Variants in SRGAP3 observed in about 807,000 individuals in gnomAD.
The protein encoded by SRGAP3 is SLIT-ROBO Rho GTPase activating protein 3, also known as SLIT-ROBO Rho GTPase-activating protein 3.
In SRGAP3, 39 loss-of-function variants were observed where a neutral mutation model predicts 121.1. The observed-to-expected ratio is 0.32, with a 90% CI of 0.25 to 0.42. The LOEUF is 0.42. SRGAP3 is among the 10% of genes least tolerant of loss of function. SRGAP3 has a pLI of 1.00. For missense variants in SRGAP3, 1,213 were observed against 1,470.6 expected, an observed-to-expected ratio of 0.82 and a Z score of 2.86; for synonymous variants, 601 against 570.0, an observed-to-expected ratio of 1.05 and a Z score of -0.77.
At chr3:8,995,300 C>T (rs1009510872) in intron 18 of SRGAP3, among the ~76,000 whole-genome samples, 3 of 151,574 alleles carry the variant, frequency 2.0e-5, no homozygotes, top group Non-Finnish European at 4.4e-5. Flanking sequence ...AGTGAGACCT[C>T]ATTTCCAAAA....
At position 9,015,672 on chromosome 3, in the gene SRGAP3, A is replaced by T; in HGVS notation, c.1738T>A (p.Leu580Ile). The T allele has an allele frequency of 1.2e-6, 2 of 1,614,116 alleles. No individual in the cohort carries two copies. Among genetic ancestry groups the T allele is most frequent in the Admixed American group, 1.7e-5 (1 of 60,028 alleles). The change falls in exon 15 of 22, where the codon TTA (leucine) becomes ATA (isoleucine). Residue 580 changes from leucine (L) to isoleucine (I), a missense_variant. By Grantham distance (5) the Leu-to-Ile change is conservative. This residue lies in a region of SRGAP3 where 793 missense variants were observed against 1,032.9 expected (regional missense o/e 0.77). Transcript: ENST00000383836. ...TCCAGTCCTCGGAAATACAGTTTTA[A>T]AACACCAGCGACTGAATTGATATCT... The part of the protein sequence containing the change: ...ERDINSVAGV[L>I]KLYFRGLENP...
chr3:9,235,098 G>A (rs1274433540), intron 1 of SRGAP3, among the ~76,000 whole-genome samples: 2 of 152,164 alleles, frequency 1.3e-5, no homozygotes, highest in African/African-American at 2.4e-5. Flanking sequence ...CAAGCCAGGC[G>A]CCACAAGAGA....
At chr3:9,192,428 G>C (rs1179309913) in intron 1 of SRGAP3, 1 of 152,180 alleles carries the variant, frequency 6.6e-6, no homozygotes, top group African/African-American at 2.4e-5. Flanking sequence ...AGTCACGTGG[G>C]TGACTCATAC....
intron 21 of SRGAP3, 146 bp from the exon 22 acceptor site, chr3:8,986,078 C>A: frequency 6.7e-7 from 1 of 1,493,598 alleles, no homozygotes; most frequent in Non-Finnish European, 9.0e-7. Context: ...TGTCTTATAA[C>A]CACATGGGAG....
intron 18 of SRGAP3, among the ~76,000 whole-genome samples, chr3:9,009,026 T>C (rs906894713): frequency 2.0e-5 from 3 of 152,168 alleles, no homozygotes; most frequent in African/African-American, 7.2e-5. Context: ...AGAGACAAAG[T>C]GCTGACAAAA....
intron 1 of SRGAP3, among the ~76,000 whole-genome samples, chr3:9,153,084 G>C (rs1281121266): frequency 2.0e-5 from 3 of 152,124 alleles, no homozygotes; most frequent in Non-Finnish European, 4.4e-5. Flanking sequence ...AACCCCACCT[G>C]TGACAGCTGT....
chr3:9,098,930 C>T (rs2124890285), intron 3 of SRGAP3, among the ~76,000 whole-genome samples: 1 of 152,286 alleles, frequency 6.6e-6, no homozygotes, highest in Admixed American at 6.5e-5. Context: ...TGGAGATTGG[C>T]TGAAGGCGCC....
At chr3:9,305,663 G>C (rs916416131) in intron 3 of SRGAP3, among the ~76,000 whole-genome samples, 1 of 151,904 alleles carries the variant, frequency 6.6e-6, no homozygotes, top group African/African-American at 2.4e-5. Flanking sequence ...TGCAGTGTTT[G>C]GTTTTCTGTC....
intron 1 of SRGAP3, among the ~76,000 whole-genome samples, chr3:9,180,330 G>A (rs145963352): frequency 6.6e-6 from 1 of 152,354 alleles, no homozygotes; most frequent in East Asian, 1.9e-4. Context: ...AAGACACGGA[G>A]AGTTAATAAG....
At chr3:9,307,565 A>G (rs1197400633) in intron 3 of SRGAP3, among the ~76,000 whole-genome samples, 4 of 152,352 alleles carry the variant, frequency 2.6e-5, no homozygotes, top group African/African-American at 7.2e-5. Flanking sequence ...CAAGCTTTTA[A>G]AAGTCTATTA....
At chr3:9,161,275 A>G (rs75089388) in intron 1 of SRGAP3, among the ~76,000 whole-genome samples, 4,254 of 152,324 alleles carry the variant, frequency 0.028, 204 homozygotes, top group African/African-American at 0.097. Context: ...GGACAAATCA[A>G]CATCACATGA....
At chr3:9,286,665 C>G (rs34937600) in intron 3 of SRGAP3, among the ~76,000 whole-genome samples, 30,275 of 148,272 alleles carry the variant, frequency 0.2, 3,536 homozygotes, top group African/African-American at 0.3. Flanking sequence ...TGCAGTGGCG[C>G]GATCTCGGCT....
chr3:9,345,449 T>G (rs1004288783), intron 1 of SRGAP3, among the ~76,000 whole-genome samples: 6 of 150,854 alleles, frequency 4.0e-5, no homozygotes, highest in Non-Finnish European at 8.9e-5. Context: ...ACCACTGCAC[T>G]CCAGCCTGGG....
chr3:9,100,261 C>G (rs909207111), intron 3 of SRGAP3, among the ~76,000 whole-genome samples: 3 of 152,206 alleles, frequency 2.0e-5, no homozygotes, highest in African/African-American at 7.2e-5. Flanking sequence ...TTACCTTTCT[C>G]CAGACCCTGA....
intron 1 of SRGAP3, among the ~76,000 whole-genome samples, chr3:9,171,388 C>G (rs367954732): frequency 3.8e-4 from 58 of 152,320 alleles, no homozygotes; most frequent in East Asian, 3.7e-3. Flanking sequence ...CTGTGCGCCT[C>G]AGTTCTCTCC....
chr3:9,307,428 T>C lies in SRGAP3; in HGVS notation n.442+18582A>G, dbSNP rs906921224. 7.2e-5 allele frequency among the ~76,000 whole-genome samples: 11 copies of C among 152,316 alleles called. No individual in the cohort carries two copies. In the South Asian group the frequency reaches 2.1e-3, roughly 29 times the overall value. Reference sequence around the variant, plus strand: ...AAGGAAGTAATGACACCAAGCCTGGTAACCGTGGTTACACACAATGTGACT... The same window carrying C: ...AAGGAAGTAATGACACCAAGCCTGGCAACCGTGGTTACACACAATGTGACT... On this transcript the variant is annotated intron_variant and non_coding_transcript_variant, in intron 3 of 3. Coordinates refer to the SRGAP3 transcript ENST00000490889.
At chr3:9,258,157 A>G (rs1954175093) in intron 3 of SRGAP3, among the ~76,000 whole-genome samples, 1 of 152,208 alleles carries the variant, frequency 6.6e-6, no homozygotes, top group South Asian at 2.1e-4. Flanking sequence ...ATGGAGAAGC[A>G]CAGGGTCCCA....
Position 9,109,946 on chromosome 3 carries a change from G to T in SRGAP3, c.261-5104C>A, listed in dbSNP as rs1038197423. On this transcript the variant is annotated intron_variant, in intron 2 of 21. Coordinates refer to ENST00000383836, the MANE Select transcript of SRGAP3 (RefSeq NM_014850.4). The surrounding 1 kb of genome is among the most constrained non-coding windows in gnomAD (Gnocchi z 4.4). ...ACAGCAGGTGAACATGGAGACTGAG[G>T]CAGGGGCCACTTGGGAAAGGGCCTT... 6.6e-6 allele frequency among the ~76,000 whole-genome samples: 1 copy of T among 152,118 alleles called. No homozygotes were observed. The highest frequency in any genetic ancestry group is 2.4e-5 in the African/African-American group (1 of 41,410).
At chr3:9,349,022 C>T in intron 1 of SRGAP3, 1 of 949,750 alleles carries the variant, frequency 1.1e-6, no homozygotes, top group Non-Finnish European at 1.7e-6. Flanking sequence ...CATTGTCAAG[C>T]ATCTGGAGGG....
Sources: allele counts gnomAD v4.1 joint callset (sites outside exome capture counted in the v4.1 genomes callset), GRCh38; gene constraint gnomAD v4.1.1; regional missense constraint gnomAD v4.1.1; non-coding constraint Gnocchi (gnomAD v3.1); transcripts MANE v1.5; gene names NCBI Gene and HGNC (gene_info 2026-07-23, HGNC 2026-07-21).